Variants in FAM107B observed in about 807,000 individuals in gnomAD.
FAM107B encodes the protein protein FAM107B.
A neutral mutation model predicts 31.5 loss-of-function variants in FAM107B; 21 were observed. The observed-to-expected ratio is 0.67, with a 90% CI of 0.47 to 0.96. FAM107B has a LOEUF of 0.96. FAM107B is among the 40% of genes least tolerant of loss of function. The probability of loss-of-function intolerance (pLI) is 0.00; values close to 1 mark genes in which losing one functional copy is unlikely to be tolerated. For synonymous variants in FAM107B, 157 were observed against 141.5 expected (o/e 1.11, Z -0.78); for missense variants, 452 against 377.1 (o/e 1.20, Z -1.64).
At chr10:14,539,994 G>A (rs769252672) in intron 2 of FAM107B, among the ~76,000 whole-genome samples, 2 of 152,196 alleles carry the variant, frequency 1.3e-5, no homozygotes, top group African/African-American at 2.4e-5. Flanking sequence ...CGAGAAGGGC[G>A]ACCAGACGTC....
At chr10:14,664,462 A>G (rs1014874373) in intron 2 of FAM107B, among the ~76,000 whole-genome samples, 11 of 152,188 alleles carry the variant, frequency 7.2e-5, no homozygotes, top group African/African-American at 2.7e-4. Flanking sequence ...AGAGTATACT[A>G]CTGTATTTTT....
At chr10:14,766,274 G>T (rs771274302) in intron 1 of FAM107B, among the ~76,000 whole-genome samples, 1 of 152,200 alleles carries the variant, frequency 6.6e-6, no homozygotes. Context: ...AAAAGACTGT[G>T]CCAAGAAAAG....
chr10:14,613,817 G>A (rs368504096), intron 2 of FAM107B, among the ~76,000 whole-genome samples: 6 of 152,144 alleles, frequency 3.9e-5, no homozygotes, highest in African/African-American at 1.2e-4. Context: ...AAAGCTGGAC[G>A]ACTGGCTTTT....
At chr10:14,750,559 C>T (rs1832807910) in intron 1 of FAM107B, among the ~76,000 whole-genome samples, 1 of 152,140 alleles carries the variant, frequency 6.6e-6, no homozygotes, top group African/African-American at 2.4e-5. Context: ...TTGCAGTGAG[C>T]TGAGATCACG....
rs151286811 is a variant in FAM107B at position 14,691,181 on chromosome 10, A to T, written c.412-23490T>A. On this transcript the variant is annotated intron_variant, in intron 1 of 4. Transcript: ENST00000181796. ...CTCCCAAAGTGCTGGGATTACAGGC[A>T]TGAGCCCCCGTACCCAGCCCTAAAC... Among the ~76,000 whole-genome samples the T allele has an allele frequency of 7.4e-3, 1,132 of 152,178 alleles. 9 individuals are homozygous for T. The highest frequency in any genetic ancestry group is 0.026 in the African/African-American group (1,082 of 41,492).
In FAM107B at chr10:14,523,214, A is replaced by G. The variant is rs997569628; in HGVS notation, c.654-1195T>C. 7.2e-5 allele frequency among the ~76,000 whole-genome samples: 11 copies of G among 152,216 alleles called. No individual in the cohort carries two copies. The East Asian group carries it at 1.2e-3, about 16-fold the overall frequency. On this transcript the variant is annotated intron_variant, in intron 3 of 4. Coordinates refer to ENST00000181796, the MANE Select transcript of FAM107B (RefSeq NM_031453.4). The stretch of plus-strand genomic sequence containing the variant: ...GGCTTTCCAGAATGCTGGATTATCC[A>G]GCTCACCTTTCTTCTTATTGTCTTC...
At chr10:14,559,166 A>T (rs939879789) in intron 2 of FAM107B, among the ~76,000 whole-genome samples, 2 of 152,006 alleles carry the variant, frequency 1.3e-5, no homozygotes, top group African/African-American at 4.8e-5. Context: ...AGCAGAGAAG[A>T]GAATCGATCA....
intron 2 of FAM107B, among the ~76,000 whole-genome samples, chr10:14,638,877 T>C (rs1264146374): frequency 1.3e-5 from 2 of 152,134 alleles, no homozygotes; most frequent in Admixed American, 1.3e-4. Flanking sequence ...CCTTCTAGAG[T>C]GTTCTCTGTC....
intron 2 of FAM107B, among the ~76,000 whole-genome samples, chr10:14,578,186 C>A (rs146050168): frequency 6.6e-6 from 1 of 152,280 alleles, no homozygotes; most frequent in Non-Finnish European, 1.5e-5. Flanking sequence ...CTGTTAACTG[C>A]AAGCAGGTGC....
chr10:14,644,429 T>C (rs140742823), intron 2 of FAM107B, among the ~76,000 whole-genome samples: 465 of 152,330 alleles, frequency 3.1e-3, no homozygotes, highest in African/African-American at 0.01. Flanking sequence ...GCACGGCTCA[T>C]GTTGTTCTTT....
chr10:14,758,653 C>G (rs78569892), intron 1 of FAM107B, among the ~76,000 whole-genome samples: 5,329 of 152,062 alleles, frequency 0.035, 298 homozygotes, highest in African/African-American at 0.12. Context: ...CCGGGCTCCC[C>G]GTCTGGAGCG....
At chr10:14,707,807 C>T (rs2688831) in intron 1 of FAM107B, among the ~76,000 whole-genome samples, 146,385 of 152,360 alleles carry the variant, frequency 0.96, 70,448 homozygotes, top group African/African-American at 0.99. Flanking sequence ...GAAATGTGCA[C>T]ATGTCTTGGA....
chr10:14,679,429 C>CA (rs58177871), intron 1 of FAM107B, among the ~76,000 whole-genome samples: 133 of 151,422 alleles, frequency 8.8e-4, no homozygotes, highest in African/African-American at 3.0e-3. Flanking sequence ...CTGGACCTGG[C>CA]AAAAAAAAGT....
Position 14,519,745 on chromosome 10 carries a change from C to T in FAM107B, c.*1445G>A, listed in dbSNP as rs1351615769. The T allele has an allele frequency of 6.6e-6, 1 of 152,184 alleles. No homozygotes were observed. Among genetic ancestry groups the T allele is most frequent in the Non-Finnish European group, 1.5e-5 (1 of 68,038 alleles). 9.4% of individuals were successfully genotyped at this position (152,184 alleles called of 1,614,324 possible). A position where few individuals can be genotyped will look rare whatever the true frequency, so the allele number is the denominator to read the frequency against. ...AATTAAGGATTCAAAAGCTCTAGATCCAGCTTTCTATGAGTCTTCAAAGAA... is the reference window on the plus strand; with the variant it reads ...AATTAAGGATTCAAAAGCTCTAGATTCAGCTTTCTATGAGTCTTCAAAGAA... On this transcript the variant is annotated 3_prime_UTR_variant, in exon 5 of 5. Coordinates refer to ENST00000181796, the MANE Select transcript of FAM107B (RefSeq NM_031453.4).
At chr10:14,677,481 C>T (rs1018621105) in intron 1 of FAM107B, among the ~76,000 whole-genome samples, 1 of 152,012 alleles carries the variant, frequency 6.6e-6, no homozygotes. Context: ...ATTAGCCGGG[C>T]GTGGTGGTGG....
At chr10:14,595,185 C>T (rs1852146256) in intron 2 of FAM107B, among the ~76,000 whole-genome samples, 1 of 152,140 alleles carries the variant, frequency 6.6e-6, no homozygotes, top group Non-Finnish European at 1.5e-5. Flanking sequence ...AAAAATTACA[C>T]AACTGTGTAC....
At chr10:14,524,016 G>C (rs1476111273) in intron 3 of FAM107B, among the ~76,000 whole-genome samples, 1 of 147,520 alleles carries the variant, frequency 6.8e-6, no homozygotes, top group African/African-American at 2.5e-5. Flanking sequence ...ACAGGCACAT[G>C]CCACCACGCC....
At chr10:14,570,387 G>A (rs1394429093) in intron 2 of FAM107B, among the ~76,000 whole-genome samples, 1 of 152,164 alleles carries the variant, frequency 6.6e-6, no homozygotes, top group Admixed American at 6.5e-5. Context: ...CTGTGAGAAT[G>A]ACTGCCCAAG....
At position 14,636,317 on chromosome 10, in the gene FAM107B, G is replaced by C. The variant is rs191404194; in HGVS notation, c.469+31317C>G. ...AACAATTCCAGGATCATGTGAGAGAGAGAGCAAGTGAGAGAGAGAGAGAGA... is the reference window on the plus strand; with the variant it reads ...AACAATTCCAGGATCATGTGAGAGACAGAGCAAGTGAGAGAGAGAGAGAGA... On this transcript the variant is annotated intron_variant, in intron 2 of 4. Coordinates refer to ENST00000181796, the MANE Select transcript of FAM107B (RefSeq NM_031453.4). Among the ~76,000 whole-genome samples, 904 of 150,206 alleles carry C rather than the reference G, an allele frequency of 6.0e-3. 8 individuals carry two copies. Among genetic ancestry groups the C allele is most frequent in the Non-Finnish European group, 9.0e-3 (612 of 67,788 alleles).
Sources: gnomAD v4.1 joint callset for allele counts (sites outside exome capture counted in the v4.1 genomes callset) on GRCh38, gnomAD v4.1.1 for gene constraint, MANE v1.5 for transcripts, NCBI Gene and HGNC (gene_info 2026-07-23, HGNC 2026-07-21) for gene names.